The following CYFIP1 variants were observed in gnomAD, a reference collection of about 807,000 sequenced individuals.
CYFIP1 encodes cytoplasmic FMR1 interacting protein 1, also known as cytoplasmic FMR1-interacting protein 1.
In CYFIP1, 58 loss-of-function variants were observed where a neutral mutation model predicts 163.5. That is an observed-to-expected ratio of 0.35 (90% CI 0.29 to 0.44). CYFIP1 has a LOEUF of 0.44. Among genes scored for constraint, CYFIP1 ranks in the 20% least tolerant of loss-of-function variants. The pLI, the probability that CYFIP1 is intolerant of heterozygous loss-of-function variation, is 1.00. For synonymous variants in CYFIP1, 663 were observed against 660.7 expected, an observed-to-expected ratio of 1.00 and a Z score of -0.05; for missense variants, 1,338 against 1,653.8, an observed-to-expected ratio of 0.81 and a Z score of 3.31.
upstream of CYFIP1, chr15:22,980,519 C>T (rs2063451510): frequency 6.6e-6 from 1 of 152,024 alleles, no homozygotes; most frequent in South Asian, 2.1e-4. Context: ...GCCCCTTTCC[C>T]CACGCCAGCC....
chr15:22,890,758 G>C (rs1169895429), intron 23 of CYFIP1, among the ~76,000 whole-genome samples: 3 of 87,460 alleles, frequency 3.4e-5, no homozygotes, highest in African/African-American at 1.4e-4. Context: ...AACACGAACA[G>C]AGACAGGGTG....
chr15:22,976,243 C>T (rs1302830650), intron 1 of CYFIP1, among the ~76,000 whole-genome samples: 3 of 152,104 alleles, frequency 2.0e-5, no homozygotes, highest in Non-Finnish European at 4.4e-5. Context: ...CCACAACCTC[C>T]GCCTCCCGGG....
intron 1 of CYFIP1, among the ~76,000 whole-genome samples, chr15:22,956,579 A>T (rs1400335556): frequency 6.6e-6 from 1 of 152,166 alleles, no homozygotes; most frequent in East Asian, 1.9e-4. Flanking sequence ...CTTGGACACC[A>T]GACAAAACAA....
At chr15:22,880,535 G>A (rs1420446172) in intron 25 of CYFIP1, among the ~76,000 whole-genome samples, 1 of 152,178 alleles carries the variant, frequency 6.6e-6, no homozygotes, top group East Asian at 1.9e-4. Context: ...ACGGCATCCC[G>A]GACAGCGGAA....
chr15:22,928,393 A>T (rs554212989), intron 11 of CYFIP1, among the ~76,000 whole-genome samples: 1 of 5,612 alleles, frequency 1.8e-4, no homozygotes, highest in Non-Finnish European at 3.2e-4. Context: ...AAAAAATAAT[A>T]AATAAATAAA....
intron 6 of CYFIP1, among the ~76,000 whole-genome samples, chr15:22,940,359 T>C (rs940613146): frequency 1.3e-5 from 2 of 152,162 alleles, no homozygotes; most frequent in African/African-American, 4.8e-5. Context: ...TCGCCCACCC[T>C]GCAGCTAGCT....
rs1377372730 is a variant in CYFIP1 at position 22,943,237 on chromosome 15, C to A, written c.505G>T (p.Ala169Ser). ...ITLGKFINMFAVLDELKNMKC... is the reference protein window; with the variant it reads ...ITLGKFINMFSVLDELKNMKC... The stretch of plus-strand genomic sequence containing the variant: ...ATGTTCTTCAGCTCGTCCAGCACAG[C>A]GAACATGTTGATGAATTTGCCCAGT... The change falls in exon 6 of 31, where the codon GCT (alanine) becomes TCT (serine). Residue 169 changes from alanine to serine, a missense_variant. Coordinates refer to ENST00000617928, the MANE Select transcript of CYFIP1 (RefSeq NM_014608.6). 6.2e-7 allele frequency: 1 copy of A among 1,614,222 alleles called. No individual in the cohort carries two copies.
rs1021079893 is a variant in CYFIP1 at position 22,960,013 on chromosome 15, G to A, written c.-6-12722C>T. Among the ~76,000 whole-genome samples, 11 of 152,230 alleles carry A rather than the reference G, an allele frequency of 7.2e-5. 1 individual carries two copies. Among genetic ancestry groups the A allele is most frequent in the African/African-American group, 2.7e-4 (11 of 41,460 alleles). ...CCCTGCCAGGGTCTGGCATAGCCCA[G>A]TAGCAGCCCAGCCCTTCTCCTGCAC... On this transcript the variant is annotated intron_variant, in intron 1 of 30. Transcript: ENST00000617928.
Position 22,869,047 on chromosome 15 carries a change from C to G in CYFIP1, c.*981G>C, listed in dbSNP as rs980473558. On this transcript the variant is annotated 3_prime_UTR_variant, in exon 31 of 31. Coordinates refer to ENST00000617928, the MANE Select transcript of CYFIP1 (RefSeq NM_014608.6). ...TAGTCTAGACCGATTGTTTTTCATT[C>G]TGACAGATCATGTGAACCAGCTCCA... 6.6e-6 allele frequency: 1 copy of G among 152,180 alleles called. No homozygotes were observed. Among genetic ancestry groups the G allele is most frequent in the African/African-American group, 2.4e-5 (1 of 41,440 alleles). 9.4% of individuals were successfully genotyped at this position (152,180 alleles called of 1,614,324 possible).
chr15:22,951,512 G>T (rs751140259), intron 1 of CYFIP1: 46 of 1,288,282 alleles, frequency 3.6e-5, no homozygotes, highest in Non-Finnish European at 4.2e-5. Context: ...GACGTGCTTC[G>T]GCCCCATAGG....
rs1360424610 is a variant in CYFIP1, at chr15:22,917,563, T to C, written c.1674+225A>G. Reference sequence around the variant, plus strand: ...GGGAGTTGAAATGGAGTCAGACTCCTTTTTAGTGCACATGACACATCTGAC... The same window carrying C: ...GGGAGTTGAAATGGAGTCAGACTCCCTTTTAGTGCACATGACACATCTGAC... On this transcript the variant is annotated intron_variant, in intron 15 of 30. Coordinates refer to ENST00000617928, the MANE Select transcript of CYFIP1 (RefSeq NM_014608.6). The surrounding 1 kb of genome is among the most constrained non-coding windows in gnomAD (Gnocchi z 4.2). 6.8e-6 allele frequency: 4 copies of C among 592,214 alleles called. No homozygotes were observed. The highest frequency in any genetic ancestry group is 3.9e-5 in the African/African-American group (2 of 51,654). The allele number at this position is 592,214 out of a possible 1,614,324, so 36.7% of individuals were successfully genotyped here. A position where few individuals can be genotyped will look rare whatever the true frequency, so the allele number is the denominator to read the frequency against.
chr15:22,978,462 A>C (rs1000081339), intron 1 of CYFIP1, among the ~76,000 whole-genome samples: 12 of 151,850 alleles, frequency 7.9e-5, no homozygotes, highest in African/African-American at 2.7e-4. Context: ...AAGATTGCTA[A>C]GATCTTTAAG....
chr15:22,951,421 G>A (rs765981090), intron 1 of CYFIP1: 1 of 1,289,436 alleles, frequency 7.8e-7, no homozygotes, highest in Middle Eastern at 2.2e-4. Flanking sequence ...GCTGCCTGCA[G>A]AGCCAGCATG....
At chr15:22,974,457 C>G (rs993184223) in intron 1 of CYFIP1, among the ~76,000 whole-genome samples, 1 of 152,150 alleles carries the variant, frequency 6.6e-6, no homozygotes, top group African/African-American at 2.4e-5. Context: ...AGGCCGGACA[C>G]GATGGCTCAT....
At chr15:22,951,842 T>C (rs867935597) in intron 1 of CYFIP1, among the ~76,000 whole-genome samples, 9 of 152,158 alleles carry the variant, frequency 5.9e-5, no homozygotes, top group Admixed American at 2.6e-4. Flanking sequence ...TGCTCGTGCG[T>C]CAGCTGTGAT....
chr15:22,906,315 C>T (rs2060578958), intron 21 of CYFIP1, among the ~76,000 whole-genome samples: 1 of 151,756 alleles, frequency 6.6e-6, no homozygotes, highest in Non-Finnish European at 1.5e-5. Flanking sequence ...ACCACGTTGG[C>T]CAGCCTGGTC....
intron 13 of CYFIP1, among the ~76,000 whole-genome samples, chr15:22,921,557 T>C (rs2061178480): frequency 6.6e-6 from 1 of 151,830 alleles, no homozygotes; most frequent in African/African-American, 2.4e-5. Flanking sequence ...AGCTCACGCC[T>C]GTAATCCCAG....
intron 1 of CYFIP1, among the ~76,000 whole-genome samples, chr15:22,975,812 C>T (rs2063253600): frequency 6.6e-6 from 1 of 152,116 alleles, no homozygotes; most frequent in South Asian, 2.1e-4. Flanking sequence ...AATCCCTAAC[C>T]CCCTCGTTCA....
At chr15:22,939,556 TTA>T (rs1491189925) in intron 6 of CYFIP1, 49 bp from the exon 7 acceptor site, 3,430 of 410,086 alleles carry the variant, frequency 8.4e-3, no homozygotes, top group Middle Eastern at 0.016. Flanking sequence ...CGTGCCACAT[TTA>T]AAAAAAAAAA....
Sources: gnomAD v4.1 joint callset for allele counts (sites outside exome capture counted in the v4.1 genomes callset) on GRCh38, gnomAD v4.1.1 for gene constraint, Gnocchi (gnomAD v3.1) non-coding constraint, MANE v1.5 for transcripts, NCBI Gene and HGNC (gene_info 2026-07-23, HGNC 2026-07-21) for gene names.